Variants in ATG13 observed in about 807,000 individuals in gnomAD.
ATG13 encodes autophagy related 13.
ATG13 carries 23 observed loss-of-function variants against 65.5 expected under a neutral mutation model. The observed-to-expected ratio is 0.35, with a 90% CI of 0.25 to 0.50. The LOEUF (loss-of-function observed/expected upper bound fraction) is 0.50, where lower values mean the gene tolerates loss of function less well. Among genes scored for constraint, ATG13 ranks in the 20% least tolerant of loss-of-function variants. The probability of loss-of-function intolerance (pLI) is 0.98; values close to 1 mark genes in which losing one functional copy is unlikely to be tolerated. For synonymous variants in ATG13, 252 were observed against 245.2 expected, an observed-to-expected ratio of 1.03 and a Z score of -0.26; for missense variants, 566 against 677.0, an observed-to-expected ratio of 0.84 and a Z score of 1.82.
At chr11:46,644,837 A>G (rs138080052) in intron 3 of ATG13, among the ~76,000 whole-genome samples, 17 of 152,264 alleles carry the variant, frequency 1.1e-4, no homozygotes, top group Non-Finnish European at 5.9e-5. Context: ...ATTTCTACCT[A>G]TGTCACTCCT....
At chr11:46,629,021 C>T (rs2050725218) in intron 1 of ATG13, among the ~76,000 whole-genome samples, 1 of 151,012 alleles carries the variant, frequency 6.6e-6, no homozygotes, top group Admixed American at 6.6e-5. Context: ...TGGCTCACTA[C>T]AACCTCCTCC....
chr11:46,621,215 A>G (rs1001589136), intron 1 of ATG13: 2 of 152,094 alleles, frequency 1.3e-5, no homozygotes, highest in Non-Finnish European at 2.9e-5. Flanking sequence ...GGATTTCTCC[A>G]TGTTGGTCAG....
At chr11:46,652,980 T>C (rs191030016) in intron 7 of ATG13, among the ~76,000 whole-genome samples, 1 of 152,194 alleles carries the variant, frequency 6.6e-6, no homozygotes, top group African/African-American at 2.4e-5. Context: ...GTTTACATAT[T>C]GTCTATGGCT....
intron 8 of ATG13, 72 bp downstream of exon 8, chr11:46,656,345 A>T (rs549907718): frequency 7.0e-7 from 1 of 1,428,822 alleles, no homozygotes; most frequent in South Asian, 1.2e-5. Flanking sequence ...CTTCGTTTCT[A>T]CTTGTTATAA....
intron 12 of ATG13, 50 bp from the exon 13 acceptor site, chr11:46,664,799 T>A: frequency 6.5e-7 from 1 of 1,537,054 alleles, no homozygotes; most frequent in African/African-American, 1.4e-5. Flanking sequence ...TGGGATTGCC[T>A]ATTTTTTCCT....
intron 11 of ATG13, among the ~76,000 whole-genome samples, chr11:46,662,974 A>T (rs61884292): frequency 0.14 from 21,511 of 152,064 alleles, 1,585 homozygotes; most frequent in Non-Finnish European, 0.17. Context: ...TCAGGTTTAA[A>T]ACTGGAACAG....
chr11:46,636,875 A>T (rs1276764124), intron 2 of ATG13, among the ~76,000 whole-genome samples: 4 of 151,882 alleles, frequency 2.6e-5, no homozygotes, highest in Non-Finnish European at 5.9e-5. Flanking sequence ...CTACAGGCGC[A>T]CACCAACACG....
chr11:46,662,111 CA>C (rs1199735793), intron 11 of ATG13, among the ~76,000 whole-genome samples: 1 of 152,004 alleles, frequency 6.6e-6, no homozygotes, highest in Non-Finnish European at 1.5e-5. Flanking sequence ...GTAGCATTGA[CA>C]AAAAAAGCAG....
chr11:46,645,783 A>C, intron 4 of ATG13, 87 bp from the exon 5 acceptor site: 1 of 1,544,614 alleles, frequency 6.5e-7, no homozygotes, highest in African/African-American at 1.4e-5. Flanking sequence ...CAGCCACAGC[A>C]ATACTTGCAT....
chr11:46,623,940 C>T (rs1208952108), intron 1 of ATG13, among the ~76,000 whole-genome samples: 2 of 151,176 alleles, frequency 1.3e-5, no homozygotes, highest in Non-Finnish European at 2.9e-5. Flanking sequence ...TTTTCTGAAC[C>T]CTTCAGAGAT....
chr11:46,666,985 T>C (rs1386393511), intron 14 of ATG13, among the ~76,000 whole-genome samples: 1 of 152,068 alleles, frequency 6.6e-6, no homozygotes, highest in Admixed American at 6.6e-5. Context: ...ACTTCCATCC[T>C]CTCCCTTTTC....
In ATG13 at chr11:46,652,920, T is replaced by C. The variant is rs528589478; in HGVS notation, c.458+2603T>C. Among the ~76,000 whole-genome samples, 6 of 152,164 alleles carry C rather than the reference T, an allele frequency of 3.9e-5. No individual in the cohort carries two copies. In the East Asian group the frequency reaches 9.7e-4, roughly 25 times the overall value. On this transcript the variant is annotated intron_variant, in intron 7 of 18. Transcript: ENST00000683050. ...TCACTAAACTATGGTCAGCCGACCA[T>C]CTGCTTGTTTTTATAAAAAAAGTTT...
At chr11:46,633,405 A>G (rs1431222205) in intron 2 of ATG13, among the ~76,000 whole-genome samples, 1 of 151,268 alleles carries the variant, frequency 6.6e-6, no homozygotes, top group Non-Finnish European at 1.5e-5. Context: ...CTGGAGTGCA[A>G]TGGCGCAATC....
At chr11:46,618,953 A>G (rs7484002) in intron 1 of ATG13, among the ~76,000 whole-genome samples, 31,730 of 151,996 alleles carry the variant, frequency 0.21, 3,979 homozygotes, top group African/African-American at 0.35. Flanking sequence ...AAAGTGTTGG[A>G]GTTACATGCA....
intron 15 of ATG13, 70 bp from the exon 16 acceptor site, chr11:46,668,429 G>A: frequency 6.6e-7 from 1 of 1,508,372 alleles, no homozygotes; most frequent in South Asian, 1.1e-5. Flanking sequence ...TAGGCTTCTG[G>A]CAACCAGGAA....
At chr11:46,647,331 G>A (rs1318083788) in intron 5 of ATG13, among the ~76,000 whole-genome samples, 6 of 147,348 alleles carry the variant, frequency 4.1e-5, no homozygotes, top group Admixed American at 6.8e-5. Context: ...AGGTTGGAGC[G>A]CAGTGGCATG....
At chr11:46,645,248 T>G in intron 3 of ATG13, 91 bp from the exon 4 acceptor site, 1 of 1,050,182 alleles carries the variant, frequency 9.5e-7, no homozygotes, top group Non-Finnish European at 1.4e-6. Flanking sequence ...TTAAACTCTG[T>G]ATTGGGAGGA....
intron 2 of ATG13, among the ~76,000 whole-genome samples, chr11:46,637,053 G>C (rs952439657): frequency 5.3e-5 from 8 of 152,144 alleles, no homozygotes; most frequent in Admixed American, 2.0e-4. Flanking sequence ...ACAAACTGCA[G>C]ATTAAGGATC....
intron 13 of ATG13, 64 bp from the exon 14 acceptor site, chr11:46,665,319 A>G: frequency 1.3e-6 from 2 of 1,568,234 alleles, no homozygotes; most frequent in Non-Finnish European, 1.7e-6. Flanking sequence ...TCATGCTAGA[A>G]TGTGAAGTTC....
Sources: allele counts gnomAD v4.1 joint callset (sites outside exome capture counted in the v4.1 genomes callset), GRCh38; gene constraint gnomAD v4.1.1; transcripts MANE v1.5; gene names NCBI Gene and HGNC (gene_info 2026-07-23, HGNC 2026-07-21).